Variants in KCND3 observed in about 807,000 individuals in gnomAD.
The protein encoded by KCND3 is potassium voltage-gated channel subfamily D member 3, also known as A-type voltage-gated potassium channel KCND3.
A neutral mutation model predicts 51.1 loss-of-function variants in KCND3; 9 were observed. That is an observed-to-expected ratio of 0.18 (90% CI 0.11 to 0.31). The LOEUF (loss-of-function observed/expected upper bound fraction) is 0.31, where lower values mean the gene tolerates loss of function less well. Ranked by LOEUF, KCND3 falls within the 10% of genes least tolerant of loss-of-function variation. The pLI, the probability that KCND3 is intolerant of heterozygous loss-of-function variation, is 1.00. For missense variants in KCND3, 526 were observed against 903.8 expected, an observed-to-expected ratio of 0.58 and a Z score of 5.36; for synonymous variants, 349 against 368.0, an observed-to-expected ratio of 0.95 and a Z score of 0.59.
chr1:111,922,196 C>T (rs1671503909), intron 2 of KCND3, among the ~76,000 whole-genome samples: 1 of 152,140 alleles, frequency 6.6e-6, no homozygotes, highest in Admixed American at 6.5e-5. Flanking sequence ...ATGAGCAGGG[C>T]GGCATTGGCA....
chr1:111,891,664 G>A (rs1274783696), intron 2 of KCND3, among the ~76,000 whole-genome samples: 1 of 152,206 alleles, frequency 6.6e-6, no homozygotes, highest in Non-Finnish European at 1.5e-5. Flanking sequence ...ACTTAATCAT[G>A]TCTTGTGTTG....
chr1:111,819,525 A>G (rs546886223), intron 2 of KCND3, among the ~76,000 whole-genome samples: 2 of 152,310 alleles, frequency 1.3e-5, no homozygotes, highest in Admixed American at 6.5e-5. Flanking sequence ...AATGCGGAAC[A>G]ATTAAGACTG....
At chr1:111,794,895 T>C (rs1357626410) in intron 2 of KCND3, among the ~76,000 whole-genome samples, 1 of 152,180 alleles carries the variant, frequency 6.6e-6, no homozygotes, top group Non-Finnish European at 1.5e-5. Context: ...CCAAGGTCAC[T>C]TGGCTAGCCA....
chr1:111,984,896 T>C (rs537337568), intron 1 of KCND3, among the ~76,000 whole-genome samples: 38 of 152,294 alleles, frequency 2.5e-4, no homozygotes, highest in Non-Finnish European at 3.5e-4. Context: ...TGAGATTCTC[T>C]TCTTCCTTTG....
At position 111,776,879 on chromosome 1, in the gene KCND3, C is replaced by A. The variant is rs1240642464; in HGVS notation, c.1766+147G>T. 29 of 1,474,468 alleles carry A rather than the reference C, an allele frequency of 2.0e-5. No homozygotes were observed. The Admixed American group carries it at 2.8e-4, about 14-fold the overall frequency. 91.3% of individuals were successfully genotyped at this position (1,474,468 alleles called of 1,614,324 possible). A position where few individuals can be genotyped will look rare whatever the true frequency, so the allele number is the denominator to read the frequency against. On this transcript the variant is annotated intron_variant, in intron 7 of 7. Coordinates refer to ENST00000302127, the MANE Select transcript of KCND3 (RefSeq NM_001378969.1). Reference sequence around the variant, plus strand: ...TATGAAGGGCCTTTGGGTTTCCTTGCAAGGAAAGGAGGAAGGTAGAGGGGC... The same window carrying A: ...TATGAAGGGCCTTTGGGTTTCCTTGAAAGGAAAGGAGGAAGGTAGAGGGGC...
At chr1:111,805,640 G>A (rs1261609588) in intron 2 of KCND3, among the ~76,000 whole-genome samples, 1 of 152,208 alleles carries the variant, frequency 6.6e-6, no homozygotes, top group Non-Finnish European at 1.5e-5. Flanking sequence ...TTAAACTTTA[G>A]GGAAAAACCA....
In KCND3 at chr1:111,780,109, T is replaced by G; in HGVS notation, c.1461+116A>C. On this transcript the variant is annotated intron_variant, in intron 5 of 7. Transcript: ENST00000302127. The surrounding 1 kb of genome is among the most constrained non-coding windows in gnomAD (Gnocchi z 4.2). Reference sequence around the variant, plus strand: ...GGGCCAGTAGATCCCATCACTACCTTTTGGATCTGAAGGGGACAGACTTTG... The same window carrying G: ...GGGCCAGTAGATCCCATCACTACCTGTTGGATCTGAAGGGGACAGACTTTG... 5.3e-6 allele frequency: 6 copies of G among 1,126,970 alleles called. No homozygotes were observed. Among genetic ancestry groups the G allele is most frequent in the Non-Finnish European group, 7.9e-6 (6 of 763,314 alleles). 69.8% of individuals were successfully genotyped at this position (1,126,970 alleles called of 1,614,324 possible).
chr1:111,835,710 T>C (rs1667036580), intron 2 of KCND3, among the ~76,000 whole-genome samples: 1 of 152,214 alleles, frequency 6.6e-6, no homozygotes, highest in African/African-American at 2.4e-5. Context: ...TAGGAACCCT[T>C]AGTTCTGGGA....
chr1:111,777,204 A>T lies in KCND3; in HGVS notation c.1588T>A (p.Ser530Thr). The change falls in exon 7 of 8, where the codon TCC becomes ACC. Residue 530 changes from serine to threonine, a missense_variant. Physicochemically the swap from Ser to Thr is moderately conservative, Grantham distance 58 (BLOSUM62 1). Transcript: ENST00000302127. The part of the protein sequence containing the change: ...CMESSMQNYP[S>T]TRSPSLSSHP... ...CTGGACAGTGAGGGACTTCTTGTGG[A>T]TGGGTAGTTCTGCATTGAACTCTCC... 13 of 1,614,158 alleles carry T rather than the reference A, an allele frequency of 8.1e-6. No individual in the cohort carries two copies. The highest frequency in any genetic ancestry group is 1.1e-5 in the Non-Finnish European group (13 of 1,180,020).
intron 2 of KCND3, among the ~76,000 whole-genome samples, chr1:111,838,635 C>T (rs587133): frequency 0.71 from 108,197 of 151,768 alleles, 38,988 homozygotes; most frequent in African/African-American, 0.8. Flanking sequence ...CCAGCCTGGG[C>T]GACAGAGCGA....
intron 2 of KCND3, among the ~76,000 whole-genome samples, chr1:111,978,776 T>C (rs1029833804): frequency 6.6e-6 from 1 of 152,184 alleles, no homozygotes; most frequent in Middle Eastern, 3.4e-3. Context: ...GACAAGTAGG[T>C]CTAGAAGGGA....
chr1:111,894,917 G>C (rs149126492), intron 2 of KCND3, among the ~76,000 whole-genome samples: 4 of 151,896 alleles, frequency 2.6e-5, no homozygotes, highest in African/African-American at 9.7e-5. Context: ...AGCAGGAAGA[G>C]GAAAGAGGAG....
chr1:111,887,201 C>T (rs1307033305), intron 2 of KCND3, among the ~76,000 whole-genome samples: 2 of 152,174 alleles, frequency 1.3e-5, no homozygotes, highest in East Asian at 1.9e-4. Context: ...GTTCTGTCCA[C>T]GGAGGCTTGT....
At chr1:111,866,963 C>T (rs959859255) in intron 2 of KCND3, among the ~76,000 whole-genome samples, 4 of 152,114 alleles carry the variant, frequency 2.6e-5, no homozygotes, top group Non-Finnish European at 5.9e-5. Flanking sequence ...AAATGCACAT[C>T]ATGAAAAAAT....
intron 2 of KCND3, among the ~76,000 whole-genome samples, chr1:111,879,247 T>A (rs1473267597): frequency 3.3e-5 from 5 of 152,184 alleles, no homozygotes; most frequent in African/African-American, 1.2e-4. Context: ...TGGTTCTGTT[T>A]CCCTGCAGAA....
chr1:111,780,281 T>C lies in KCND3; in HGVS notation c.1405A>G (p.Thr469Ala). 1 of 1,583,994 alleles carries C rather than the reference T, an allele frequency of 6.3e-7. No individual in the cohort carries two copies. The highest frequency in any genetic ancestry group is 1.3e-5 in the African/African-American group (1 of 74,614). ...TPEEEHMGKTTSLIESQHHHL... is the reference protein window; with the variant it reads ...TPEEEHMGKTASLIESQHHHL... ...TGATGCTGGCTCTCGATGAGTGAGGTGGTCTTGCCCATGTGCTCCTCTTCT... is the reference window on the plus strand; with the variant it reads ...TGATGCTGGCTCTCGATGAGTGAGGCGGTCTTGCCCATGTGCTCCTCTTCT... Residue 469 changes from threonine to alanine, a missense_variant, in exon 5 of 8, where the codon ACC (threonine) becomes GCC (alanine). By Grantham distance (58) the Thr-to-Ala change is moderately conservative. This residue lies in a region of KCND3 where 266 missense variants were observed against 305.5 expected (regional missense o/e 0.87). Transcript: ENST00000302127. The surrounding 1 kb of genome is among the most constrained non-coding windows in gnomAD (Gnocchi z 4.2).
chr1:111,896,880 T>G (rs1174190159), intron 2 of KCND3, among the ~76,000 whole-genome samples: 1 of 152,224 alleles, frequency 6.6e-6, no homozygotes, highest in Non-Finnish European at 1.5e-5. Context: ...CATAAGTACC[T>G]TCCCTATGGG....
chr1:111,891,488 C>T lies in KCND3; in HGVS notation c.1106+90133G>A, dbSNP rs1008649206. ...TGTCATGCAAGAGGCACAGTACCTA[C>T]GGCACAAATGCACAGACGGTATGTG... On this transcript the variant is annotated intron_variant, in intron 2 of 7. Transcript: ENST00000302127. Among the ~76,000 whole-genome samples the T allele has an allele frequency of 4.6e-5, 7 of 152,324 alleles. No individual in the cohort carries two copies. In the South Asian group the frequency reaches 1.0e-3, roughly 23 times the overall value.
intron 2 of KCND3, among the ~76,000 whole-genome samples, chr1:111,874,412 C>A (rs77319195): frequency 0.037 from 5,624 of 152,216 alleles, 247 homozygotes; most frequent in East Asian, 0.17. Flanking sequence ...TCCAGAAGTT[C>A]TTTTCTTTGT....
Sources: allele counts gnomAD v4.1 joint callset (sites outside exome capture counted in the v4.1 genomes callset), GRCh38; gene constraint gnomAD v4.1.1; regional missense constraint gnomAD v4.1.1; non-coding constraint Gnocchi (gnomAD v3.1); transcripts MANE v1.5; gene names NCBI Gene and HGNC (gene_info 2026-07-23, HGNC 2026-07-21).